MDGA2: variants seen among roughly 807,000 people sequenced by gnomAD.
MDGA2 encodes MAM domain-containing glycosylphosphatidylinositol anchor protein 2.
Under a neutral mutation model 117.8 loss-of-function variants are expected in MDGA2, and 40 were observed. The observed-to-expected ratio is 0.34, with a 90% confidence interval of 0.26 to 0.44. The LOEUF (loss-of-function observed/expected upper bound fraction) is 0.44, where lower values mean the gene tolerates loss of function less well. Among genes scored for constraint, MDGA2 ranks in the 20% least tolerant of loss-of-function variants. MDGA2 has a pLI of 1.00. For synonymous variants in MDGA2, 452 were observed against 439.0 expected (o/e 1.03, Z -0.37); for missense variants, 1,123 against 1,250.6 (o/e 0.90, Z 1.54).
intron 1 of MDGA2, among the ~76,000 whole-genome samples, chr14:47,419,503 C>T (rs2138503776): frequency 6.6e-6 from 1 of 152,140 alleles, no homozygotes; most frequent in African/African-American, 2.4e-5. Context: ...CTTTACAGAA[C>T]ACATCTTAGC....
chr14:47,226,836 A>T (rs892602564), intron 2 of MDGA2, among the ~76,000 whole-genome samples: 7 of 151,844 alleles, frequency 4.6e-5, no homozygotes, highest in Non-Finnish European at 8.8e-5. Flanking sequence ...GGTAAGAAAA[A>T]TTTTCCTCCC....
chr14:47,211,351 A>T (rs2139481668), intron 3 of MDGA2, among the ~76,000 whole-genome samples: 1 of 152,278 alleles, frequency 6.6e-6, no homozygotes, highest in African/African-American at 2.4e-5. Flanking sequence ...CAAAAACACA[A>T]GACTCCTGGG....
intron 1 of MDGA2, among the ~76,000 whole-genome samples, chr14:47,616,266 T>A (rs1010978751): frequency 3.3e-5 from 5 of 152,340 alleles, no homozygotes; most frequent in South Asian, 4.1e-4. Context: ...TCCAGACTAC[T>A]TTGTTCCTGG....
chr14:47,146,218 GT>G (rs59892469), intron 3 of MDGA2, among the ~76,000 whole-genome samples: 10 of 151,808 alleles, frequency 6.6e-5, no homozygotes, highest in Non-Finnish European at 1.0e-4. Context: ...TTTTTAAAAA[GT>G]TTTTTTTCAA....
rs1331046659 is a variant in MDGA2 at position 46,884,561 on chromosome 14, C to T, written c.2239-2340G>A. Reference sequence around the variant, plus strand: ...GCTACATTTCTGGAAATAAAAACTACAATATGTGTGCTACAGCACAGTCCT... The same window carrying T: ...GCTACATTTCTGGAAATAAAAACTATAATATGTGTGCTACAGCACAGTCCT... On this transcript the variant is annotated intron_variant, in intron 10 of 16. Coordinates refer to ENST00000399232, the MANE Select transcript of MDGA2 (RefSeq NM_001113498.3). This position sits in a 1 kb window ranked among gnomAD's most constrained non-coding sequence, Gnocchi z 4.1. Among the ~76,000 whole-genome samples, 12 of 152,068 alleles carry T rather than the reference C, an allele frequency of 7.9e-5. No homozygotes were observed. The highest frequency in any genetic ancestry group is 7.9e-4 in the Admixed American group (12 of 15,250).
In MDGA2 at chr14:47,080,453, T is replaced by A. The variant is rs529247044; in HGVS notation, c.1195+16401A>T. On this transcript the variant is annotated intron_variant, in intron 6 of 16. Coordinates refer to ENST00000399232, the MANE Select transcript of MDGA2 (RefSeq NM_001113498.3). The stretch of plus-strand genomic sequence containing the variant: ...ATATATATGAGTTAGTTTTAAATTA[T>A]TTTGTTATTAATAAATATTAAGAAC... Among the ~76,000 whole-genome samples the A allele has an allele frequency of 1.4e-4, 22 of 152,316 alleles. No homozygotes were observed. In the South Asian group the frequency reaches 4.6e-3, roughly 32 times the overall value.
intron 8 of MDGA2, among the ~76,000 whole-genome samples, chr14:47,031,252 C>T (rs530948572): frequency 2.7e-5 from 4 of 150,610 alleles, no homozygotes; most frequent in African/African-American, 9.7e-5. Context: ...ACACTATTTC[C>T]TTTTAGGGAT....
At chr14:46,844,871 T>TTTATTATTATTATTATTATTATTA (rs58606602) in intron 16 of MDGA2, among the ~76,000 whole-genome samples, 2 of 151,422 alleles carry the variant, frequency 1.3e-5, no homozygotes, top group South Asian at 4.2e-4. Context: ...TCTGATGATT[T>TTTATTATTATTATTATTATTATTA]TTATTATTAT....
rs140783708 is a variant in MDGA2 at position 47,459,305 on chromosome 14, T to G, written c.281-157755A>C. On this transcript the variant is annotated intron_variant, in intron 1 of 16. Transcript: ENST00000399232. The stretch of plus-strand genomic sequence containing the variant: ...TAAGACAGTGGCCTGGTTTTCTCCA[T>G]AGTACAGGTCCTGCATCCCCAAGAA... Among the ~76,000 whole-genome samples the G allele has an allele frequency of 3.8e-3, 586 of 152,244 alleles. 7 individuals carry two copies. Among genetic ancestry groups the G allele is most frequent in the African/African-American group, 0.014 (572 of 41,554 alleles).
At chr14:47,251,310 C>A (rs921647139) in intron 2 of MDGA2, among the ~76,000 whole-genome samples, 4 of 152,164 alleles carry the variant, frequency 2.6e-5, no homozygotes, top group Admixed American at 2.6e-4. Flanking sequence ...TCTTTCTCAT[C>A]ATTCAGATCT....
chr14:47,437,232 A>T (rs72685878), intron 1 of MDGA2, among the ~76,000 whole-genome samples: 7,788 of 152,196 alleles, frequency 0.051, 269 homozygotes, highest in Middle Eastern at 0.071. Flanking sequence ...ACTAGCATTC[A>T]GATTTTAAAG....
At chr14:47,161,324 T>C (rs183663241) in intron 3 of MDGA2, among the ~76,000 whole-genome samples, 51 of 152,250 alleles carry the variant, frequency 3.3e-4, no homozygotes, top group Admixed American at 1.4e-3. Context: ...ATCAATTATC[T>C]GTTTAAGTGC....
At chr14:47,437,106 G>A (rs532470011) in intron 1 of MDGA2, among the ~76,000 whole-genome samples, 28 of 151,896 alleles carry the variant, frequency 1.8e-4, no homozygotes, top group Non-Finnish European at 2.9e-5. Flanking sequence ...GGTGGGGAGG[G>A]GGACAATTCC....
intron 1 of MDGA2, among the ~76,000 whole-genome samples, chr14:47,425,554 A>G (rs1299126597): frequency 6.6e-6 from 1 of 152,126 alleles, no homozygotes; most frequent in East Asian, 1.9e-4. Context: ...TGAGGCTATA[A>G]TCTTCTAGGA....
At chr14:47,635,872 G>C (rs967154124) in intron 1 of MDGA2, among the ~76,000 whole-genome samples, 1 of 152,048 alleles carries the variant, frequency 6.6e-6, no homozygotes, top group Admixed American at 6.6e-5. Context: ...CGAAGAATAA[G>C]GTGGAAAAGT....
chr14:46,892,308 A>G (rs182571353), intron 10 of MDGA2, among the ~76,000 whole-genome samples: 3 of 151,982 alleles, frequency 2.0e-5, no homozygotes, highest in Non-Finnish European at 4.4e-5. Context: ...GAATATCCAC[A>G]TGCAAAAGAA....
chr14:47,116,893 A>T (rs897938787), intron 5 of MDGA2, among the ~76,000 whole-genome samples: 4 of 151,422 alleles, frequency 2.6e-5, no homozygotes, highest in African/African-American at 9.7e-5. Context: ...GAAAACAACA[A>T]CAAAAATAAA....
At chr14:47,609,552 T>A (rs896715042) in intron 1 of MDGA2, among the ~76,000 whole-genome samples, 1 of 148,428 alleles carries the variant, frequency 6.7e-6, no homozygotes, top group Admixed American at 6.8e-5. Context: ...TAAAAATGTG[T>A]GTGCTAGTAT....
chr14:47,012,435 C>A (rs1344907769), intron 8 of MDGA2, among the ~76,000 whole-genome samples: 2 of 151,996 alleles, frequency 1.3e-5, no homozygotes, highest in Non-Finnish European at 2.9e-5. Flanking sequence ...CTGTCTATAA[C>A]AGAAAATACA....
Sources: allele counts gnomAD v4.1 joint callset (sites outside exome capture counted in the v4.1 genomes callset), GRCh38; gene constraint gnomAD v4.1.1; non-coding constraint Gnocchi (gnomAD v3.1); transcripts MANE v1.5; gene names NCBI Gene and HGNC (gene_info 2026-07-23, HGNC 2026-07-21).